SKAP1: variants seen among roughly 807,000 people sequenced by gnomAD.
The protein encoded by SKAP1 is src kinase-associated phosphoprotein 1.
In SKAP1, 44 loss-of-function variants were observed where a neutral mutation model predicts 58.5. The observed-to-expected ratio is 0.75, with a 90% CI of 0.59 to 0.97. SKAP1 has a LOEUF of 0.97. Among genes scored for constraint, SKAP1 ranks in the 50% least tolerant of loss-of-function variants. The pLI, the probability that SKAP1 is intolerant of heterozygous loss-of-function variation, is 0.00. For missense variants in SKAP1, 390 were observed against 435.2 expected (o/e 0.90, Z 0.92); for synonymous variants, 127 against 149.7 (o/e 0.85, Z 1.11).
At chr17:48,172,187 T>C (rs1252763350) in intron 9 of SKAP1, among the ~76,000 whole-genome samples, 1 of 152,226 alleles carries the variant, frequency 6.6e-6, no homozygotes. Flanking sequence ...TACTTGGGGC[T>C]TGTAGTTATC....
At chr17:48,144,464 T>C (rs1031815075) in intron 11 of SKAP1, among the ~76,000 whole-genome samples, 19 of 152,116 alleles carry the variant, frequency 1.2e-4, no homozygotes, top group African/African-American at 4.6e-4. Context: ...CCGAGAACTA[T>C]CACCACCAAA....
chr17:48,204,783 C>G (rs2064772067), intron 4 of SKAP1, among the ~76,000 whole-genome samples: 1 of 152,062 alleles, frequency 6.6e-6, no homozygotes, highest in South Asian at 2.1e-4. Context: ...GTGTAGAGCA[C>G]ATGAAAGGAG....
intron 2 of SKAP1, among the ~76,000 whole-genome samples, chr17:48,367,536 G>GTATATATATATATGGATATATATCCA (rs1555620085): frequency 0.15 from 19,603 of 134,482 alleles, 1,729 homozygotes; most frequent in East Asian, 0.39. Context: ...GTATGTGTGT[G>GTATATATATATATGGATATATATCCA]TATATATATA....
intron 4 of SKAP1, among the ~76,000 whole-genome samples, chr17:48,209,474 A>C (rs765620485): frequency 7.2e-5 from 11 of 152,218 alleles, no homozygotes; most frequent in Non-Finnish European, 1.3e-4. Flanking sequence ...GGTTTGTAAA[A>C]GCTGGCCAGA....
intron 4 of SKAP1, chr17:48,204,004 C>A (rs1198299994): frequency 2.0e-5 from 3 of 152,178 alleles, no homozygotes; most frequent in African/African-American, 7.2e-5. Context: ...AGAAAGATCT[C>A]ACCAGTCTGG....
At chr17:48,265,498 AAAAAAGCAAGC>A (rs2065535379) in intron 4 of SKAP1, among the ~76,000 whole-genome samples, 1 of 122,742 alleles carries the variant, frequency 8.1e-6, no homozygotes, top group Non-Finnish European at 1.9e-5. Flanking sequence ...CTCAAAAAAA[AAAAAAGCAAGC>A]AAGCAAGCAA....
At chr17:48,320,368 A>C (rs558483303) in intron 4 of SKAP1, among the ~76,000 whole-genome samples, 1 of 152,340 alleles carries the variant, frequency 6.6e-6, no homozygotes, top group South Asian at 2.1e-4. Flanking sequence ...ATGTCTTTCA[A>C]AAGTAAATTT....
At chr17:48,135,105 A>G (rs184026868) in intron 12 of SKAP1, among the ~76,000 whole-genome samples, 3 of 152,366 alleles carry the variant, frequency 2.0e-5, no homozygotes, top group Non-Finnish European at 4.4e-5. Flanking sequence ...CTTGAGTGAC[A>G]GGCCTGAGCT....
At chr17:48,213,765 C>T (rs2064904908) in intron 4 of SKAP1, among the ~76,000 whole-genome samples, 1 of 152,160 alleles carries the variant, frequency 6.6e-6, no homozygotes, top group Non-Finnish European at 1.5e-5. Flanking sequence ...TTCACTTATT[C>T]TAGATAGAAA....
intron 2 of SKAP1, among the ~76,000 whole-genome samples, chr17:48,385,894 C>T (rs544804587): frequency 6.3e-4 from 96 of 152,192 alleles, no homozygotes; most frequent in Admixed American, 9.8e-4. Context: ...CAAGGAAGTG[C>T]AAAGCTGAAT....
chr17:48,354,636 C>A (rs1336658984), intron 3 of SKAP1, among the ~76,000 whole-genome samples: 2 of 152,116 alleles, frequency 1.3e-5, no homozygotes. Context: ...ATATAAATCC[C>A]CTTGCCTATA....
intron 3 of SKAP1, among the ~76,000 whole-genome samples, chr17:48,351,412 G>A (rs8080205): frequency 0.022 from 3,370 of 151,900 alleles, 116 homozygotes; most frequent in African/African-American, 0.075. Flanking sequence ...CTATACAGTC[G>A]GACTTTCTGC....
At chr17:48,226,002 A>C (rs929196847) in intron 4 of SKAP1, among the ~76,000 whole-genome samples, 7 of 152,240 alleles carry the variant, frequency 4.6e-5, no homozygotes, top group Admixed American at 4.6e-4. Flanking sequence ...TTAGTACAAC[A>C]GCTGCTGCTG....
At chr17:48,420,137 C>G (rs76741487) in intron 1 of SKAP1, among the ~76,000 whole-genome samples, 346 of 152,222 alleles carry the variant, frequency 2.3e-3, no homozygotes, top group South Asian at 3.9e-3. Flanking sequence ...ATAAATGTAG[C>G]AGAAATTATA....
intron 2 of SKAP1, among the ~76,000 whole-genome samples, chr17:48,386,520 G>A (rs745611289): frequency 6.6e-6 from 1 of 152,136 alleles, no homozygotes; most frequent in Non-Finnish European, 1.5e-5. Context: ...TCATTCAATG[G>A]AGCCTGAGAG....
chr17:48,171,678 T>C (rs1342303122), intron 9 of SKAP1, among the ~76,000 whole-genome samples: 4 of 152,048 alleles, frequency 2.6e-5, no homozygotes, highest in Admixed American at 2.6e-4. Flanking sequence ...TTCAAAATTA[T>C]TATCTCTATG....
At chr17:48,339,500 C>A (rs1226037091) in intron 4 of SKAP1, among the ~76,000 whole-genome samples, 1 of 152,174 alleles carries the variant, frequency 6.6e-6, no homozygotes, top group African/African-American at 2.4e-5. Flanking sequence ...GAGAAGGAAG[C>A]AAATGGCTTG....
intron 4 of SKAP1, among the ~76,000 whole-genome samples, chr17:48,260,778 T>C (rs1424061577): frequency 1.3e-5 from 2 of 152,168 alleles, no homozygotes; most frequent in Non-Finnish European, 2.9e-5. Context: ...TTTCACACCA[T>C]GACTATCTCG....
chr17:48,177,955 T>C (rs141471800), intron 9 of SKAP1, among the ~76,000 whole-genome samples: 1 of 152,070 alleles, frequency 6.6e-6, no homozygotes, highest in African/African-American at 2.4e-5. Context: ...TCACTTCCAA[T>C]GGGCAGCTGT....
Sources: gnomAD v4.1 joint callset for allele counts (sites outside exome capture counted in the v4.1 genomes callset) on GRCh38, gnomAD v4.1.1 for gene constraint, MANE v1.5 for transcripts, NCBI Gene and HGNC (gene_info 2026-07-23, HGNC 2026-07-21) for gene names.